The following DLG2 variants were observed in gnomAD, a reference collection of about 807,000 sequenced individuals.
DLG2 encodes the protein disks large homolog 2.
DLG2 carries 45 observed loss-of-function variants against 132.5 expected under a neutral mutation model. The ratio of observed to expected loss-of-function variants is 0.34; its 90% CI spans 0.27 to 0.44. The LOEUF (loss-of-function observed/expected upper bound fraction) is 0.44. Among genes scored for constraint, DLG2 ranks in the 20% least tolerant of loss-of-function variants. The pLI is 1.00. For missense variants in DLG2, 1,045 were observed against 1,196.9 expected, an observed-to-expected ratio of 0.87 and a Z score of 1.87; for synonymous variants, 424 against 419.6, an observed-to-expected ratio of 1.01 and a Z score of -0.13.
intron 19 of DLG2, among the ~76,000 whole-genome samples, chr11:83,616,375 A>G (rs1256677709): frequency 1.3e-5 from 2 of 152,208 alleles, no homozygotes; most frequent in African/African-American, 4.8e-5. Context: ...GTTCACAAAC[A>G]CTTGGTATGA....
At chr11:83,947,222 T>C (rs11233841) in intron 14 of DLG2, among the ~76,000 whole-genome samples, 11,648 of 142,436 alleles carry the variant, frequency 0.082, 610 homozygotes, top group Middle Eastern at 0.12. Context: ...ATATTTGTGA[T>C]TACTCAACAT....
At chr11:83,882,115 A>C (rs2066439721) in intron 15 of DLG2, among the ~76,000 whole-genome samples, 1 of 152,204 alleles carries the variant, frequency 6.6e-6, no homozygotes, top group African/African-American at 2.4e-5. Flanking sequence ...AACTTCAGAA[A>C]AAAAATGGGT....
chr11:84,180,577 C>T (rs1478986444), intron 8 of DLG2, among the ~76,000 whole-genome samples: 1 of 151,896 alleles, frequency 6.6e-6, no homozygotes, highest in Non-Finnish European at 1.5e-5. Context: ...AACACACAAG[C>T]AAACAAAAAA....
chr11:84,630,659 A>C (rs879518058), intron 6 of DLG2, among the ~76,000 whole-genome samples: 1 of 152,182 alleles, frequency 6.6e-6, no homozygotes, highest in African/African-American at 2.4e-5. Context: ...GATACTGTAC[A>C]TAGTTTCTAA....
chr11:84,608,659 C>T (rs1262395280), intron 6 of DLG2, among the ~76,000 whole-genome samples: 1 of 152,106 alleles, frequency 6.6e-6, no homozygotes, highest in African/African-American at 2.4e-5. Context: ...CCGTGGCATC[C>T]ATAGTGAGTA....
intron 6 of DLG2, among the ~76,000 whole-genome samples, chr11:84,801,297 C>T (rs1028576213): frequency 6.6e-6 from 1 of 152,114 alleles, no homozygotes; most frequent in Non-Finnish European, 1.5e-5. Flanking sequence ...TGAGGCCAGG[C>T]GCCATGACTC....
intron 6 of DLG2, among the ~76,000 whole-genome samples, chr11:84,819,061 T>C (rs2077379569): frequency 6.9e-5 from 4 of 58,338 alleles, no homozygotes; most frequent in African/African-American, 1.9e-4. Context: ...TGGCCCACAC[T>C]CCCTCACTCA....
chr11:84,961,490 T>C (rs886590254), intron 6 of DLG2, among the ~76,000 whole-genome samples: 3 of 151,596 alleles, frequency 2.0e-5, no homozygotes, highest in Admixed American at 6.6e-5. Context: ...TTAGCTATTG[T>C]CCCTACCTCC....
intron 6 of DLG2, among the ~76,000 whole-genome samples, chr11:84,572,007 T>C (rs1383254216): frequency 1.3e-5 from 2 of 152,114 alleles, no homozygotes; most frequent in African/African-American, 4.8e-5. Flanking sequence ...TCATTTTACA[T>C]GGAGAGAACT....
At chr11:84,088,375 G>GAA (rs553371066) in intron 10 of DLG2, among the ~76,000 whole-genome samples, 2 of 110,652 alleles carry the variant, frequency 1.8e-5, no homozygotes, top group Non-Finnish European at 2.0e-5. Flanking sequence ...ATTTGCTAGA[G>GAA]AAAAAAAAAA....
At chr11:85,586,718 T>C (rs1299343368) in intron 3 of DLG2, among the ~76,000 whole-genome samples, 2 of 152,196 alleles carry the variant, frequency 1.3e-5, no homozygotes, top group African/African-American at 4.8e-5. Flanking sequence ...CTGATCTTTG[T>C]TACTTATTTT....
At chr11:84,529,135 G>A (rs1423763696) in intron 7 of DLG2, among the ~76,000 whole-genome samples, 2 of 152,078 alleles carry the variant, frequency 1.3e-5, no homozygotes, top group Non-Finnish European at 2.9e-5. Flanking sequence ...TACACAGAGT[G>A]TCTTTACTAA....
At chr11:84,551,744 T>C (rs1433576768) in intron 6 of DLG2, among the ~76,000 whole-genome samples, 1 of 152,212 alleles carries the variant, frequency 6.6e-6, no homozygotes, top group African/African-American at 2.4e-5. Flanking sequence ...CTGACTCAGA[T>C]GTTTCTTCTG....
intron 6 of DLG2, among the ~76,000 whole-genome samples, chr11:84,578,310 T>C (rs1365047276): frequency 6.6e-6 from 1 of 151,914 alleles, no homozygotes; most frequent in Non-Finnish European, 1.5e-5. Flanking sequence ...CCCAGAATGG[T>C]AGATCCACCG....
At chr11:83,593,592 T>C (rs2097229091) in intron 19 of DLG2, among the ~76,000 whole-genome samples, 1 of 150,876 alleles carries the variant, frequency 6.6e-6, no homozygotes, top group South Asian at 2.1e-4. Context: ...CATGTATACA[T>C]ATGTAACTAA....
chr11:83,787,465 G>T (rs1409808617), intron 17 of DLG2, among the ~76,000 whole-genome samples: 1 of 151,694 alleles, frequency 6.6e-6, no homozygotes, highest in Admixed American at 6.6e-5. Flanking sequence ...GGGATTACAG[G>T]TGCCCGCCAC....
At chr11:85,591,876 A>AT (rs2079374221) in intron 3 of DLG2, among the ~76,000 whole-genome samples, 2 of 152,360 alleles carry the variant, frequency 1.3e-5, no homozygotes, top group Non-Finnish European at 2.9e-5. Flanking sequence ...AGTGTGTATC[A>AT]TAGCGTTTGG....
At chr11:84,212,593 T>C (rs2096770491) in intron 8 of DLG2, among the ~76,000 whole-genome samples, 1 of 152,232 alleles carries the variant, frequency 6.6e-6, no homozygotes, top group Non-Finnish European at 1.5e-5. Flanking sequence ...TTTTCGTAAT[T>C]GACTTGAAAA....
chr11:85,056,611 T>G (rs2063490833), intron 6 of DLG2, among the ~76,000 whole-genome samples: 2 of 151,942 alleles, frequency 1.3e-5, no homozygotes, highest in Admixed American at 1.3e-4. Context: ...TCAGTACATT[T>G]TCAAAACTGA....
Sources: gnomAD v4.1 joint callset for allele counts (sites outside exome capture counted in the v4.1 genomes callset) on GRCh38, gnomAD v4.1.1 for gene constraint, MANE v1.5 for transcripts, NCBI Gene and HGNC (gene_info 2026-07-23, HGNC 2026-07-21) for gene names.